The following MCCC2 variants were observed in gnomAD, a reference collection of about 807,000 sequenced individuals.
MCCC2 encodes methylcrotonoyl-CoA carboxylase beta chain, mitochondrial.
A neutral mutation model predicts 77.2 loss-of-function variants in MCCC2; 52 were observed. That is an observed-to-expected ratio of 0.67 (90% CI 0.54 to 0.85). The LOEUF (loss-of-function observed/expected upper bound fraction) is 0.85, where lower values mean the gene tolerates loss of function less well. MCCC2 is among the 40% of genes least tolerant of loss of function. The probability of loss-of-function intolerance (pLI) is 0.00; values close to 1 mark genes in which losing one functional copy is unlikely to be tolerated. For missense variants in MCCC2, 682 were observed against 703.2 expected (o/e 0.97, Z 0.34); for synonymous variants, 253 against 248.4 (o/e 1.02, Z -0.18).
In MCCC2 at chr5:71,657,425, C is replaced by T. The variant is rs565365607; in HGVS notation, c.*565C>T. On this transcript the variant is annotated 3_prime_UTR_variant, in exon 17 of 17. Coordinates refer to ENST00000340941, the MANE Select transcript of MCCC2 (RefSeq NM_022132.5). ...CCCTCCCCCGAGCCCATGACATCTC[C>T]TTATTATTATTTTTTTTTTGAGACA... is the stretch of plus-strand genomic sequence containing the variant. The T allele has an allele frequency of 6.5e-6, 1 of 153,100 alleles. No individual in the cohort carries two copies. The highest frequency in any genetic ancestry group is 6.5e-5 in the Admixed American group (1 of 15,326). 9.5% of individuals were successfully genotyped at this position (153,100 alleles called of 1,614,324 possible).
At chr5:71,617,676 C>T (rs1412221885) in intron 6 of MCCC2, among the ~76,000 whole-genome samples, 3 of 152,144 alleles carry the variant, frequency 2.0e-5, no homozygotes, top group Non-Finnish European at 4.4e-5. Flanking sequence ...CTTCTAACTT[C>T]AATTATGTTA....
intron 10 of MCCC2, 157 bp downstream of exon 10, chr5:71,635,403 T>C (rs1746882181): frequency 4.1e-6 from 3 of 727,960 alleles, no homozygotes; most frequent in South Asian, 3.0e-5. Context: ...TACCTTTCCA[T>C]ACTGTGGATA....
At chr5:71,618,993 T>A (rs879863683) in intron 6 of MCCC2, among the ~76,000 whole-genome samples, 1 of 152,228 alleles carries the variant, frequency 6.6e-6, no homozygotes, top group African/African-American at 2.4e-5. Flanking sequence ...GAAATAGGCA[T>A]CATTCATCTA....
At chr5:71,647,057 G>A (rs756919356) in intron 13 of MCCC2, among the ~76,000 whole-genome samples, 1 of 152,092 alleles carries the variant, frequency 6.6e-6, no homozygotes, top group Non-Finnish European at 1.5e-5. Context: ...GATTTTTAAG[G>A]TCTGTTACGG....
At chr5:71,651,380 A>AT in intron 15 of MCCC2, among the ~76,000 whole-genome samples, 1 of 152,238 alleles carries the variant, frequency 6.6e-6, no homozygotes, top group African/African-American at 2.4e-5. Context: ...TTTTAAAATG[A>AT]ATTCTTTTGT....
intron 7 of MCCC2, among the ~76,000 whole-genome samples, chr5:71,629,617 G>T (rs1045387574): frequency 6.6e-6 from 1 of 152,054 alleles, no homozygotes; most frequent in Admixed American, 6.6e-5. Context: ...TGTAAAATAA[G>T]TATATTTCCC....
chr5:71,624,833 A>G (rs916059482), intron 6 of MCCC2, among the ~76,000 whole-genome samples: 1 of 150,802 alleles, frequency 6.6e-6, no homozygotes, highest in Admixed American at 6.6e-5. Flanking sequence ...AGCTGGGTTT[A>G]CAGGCATGCA....
intron 10 of MCCC2, among the ~76,000 whole-genome samples, chr5:71,639,797 A>G (rs1455448146): frequency 6.6e-6 from 1 of 152,240 alleles, no homozygotes; most frequent in Non-Finnish European, 1.5e-5. Flanking sequence ...TTACAGGTAT[A>G]TAGCACCCAA....
chr5:71,610,240 T>C (rs1265260531), intron 6 of MCCC2, among the ~76,000 whole-genome samples: 8 of 152,346 alleles, frequency 5.3e-5, no homozygotes, highest in Non-Finnish European at 5.9e-5. Context: ...CGTAGGACCC[T>C]CCGAGCCAGG....
At chr5:71,636,209 T>G (rs1055195946) in intron 10 of MCCC2, 2 of 311,700 alleles carry the variant, frequency 6.4e-6, no homozygotes, top group Non-Finnish European at 1.3e-5. Context: ...TTGATGGATA[T>G]AATGTTCTGT....
intron 8 of MCCC2, among the ~76,000 whole-genome samples, chr5:71,633,119 ATATATATATATATT>A (rs1308003827): frequency 0.022 from 628 of 28,704 alleles, 35 homozygotes; most frequent in African/African-American, 0.055. Context: ...ATATATATAT[ATATATATATATATT>A]TTTATTTTTT....
At chr5:71,613,809 T>C (rs1746055639) in intron 6 of MCCC2, among the ~76,000 whole-genome samples, 1 of 151,832 alleles carries the variant, frequency 6.6e-6, no homozygotes, top group Non-Finnish European at 1.5e-5. Flanking sequence ...GTGTTTTCAG[T>C]ATGAAGAAAA....
chr5:71,621,436 G>A (rs750361468), intron 6 of MCCC2, among the ~76,000 whole-genome samples: 1 of 152,178 alleles, frequency 6.6e-6, no homozygotes, highest in Non-Finnish European at 1.5e-5. Context: ...AGAACTAAAT[G>A]ACAAGGATTA....
chr5:71,604,310 C>T lies in MCCC2; in HGVS notation c.512-46C>T, dbSNP rs1453931774. 2.0e-6 allele frequency: 3 copies of T among 1,494,002 alleles called. No individual in the cohort carries two copies. In the African/African-American group the frequency reaches 4.1e-5, roughly 21 times the overall value. The allele number at this position is 1,494,002 out of a possible 1,614,324, so 92.5% of individuals were successfully genotyped here. On this transcript the variant is annotated intron_variant, in intron 5 of 16. Coordinates refer to ENST00000340941, the MANE Select transcript of MCCC2 (RefSeq NM_022132.5). The stretch of plus-strand genomic sequence containing the variant: ...GATACAAGTTTCCCTCTGCGTAGCA[C>T]ATTTAGTTCATAGAGATGCTTATGT...
chr5:71,618,762 ATGGTTTCCATGTC>A (rs1308634889), intron 6 of MCCC2, among the ~76,000 whole-genome samples: 1 of 152,148 alleles, frequency 6.6e-6, no homozygotes, highest in Non-Finnish European at 1.5e-5. Flanking sequence ...GACACCAATT[ATGGTTTCCATGTC>A]TGGCTTTTTA....
In MCCC2 at chr5:71,615,027, CA is replaced by C. The variant is rs1746116987; in HGVS notation, c.624+10560del. Reference sequence around the variant, plus strand: ...TGTCATCCAGGTTGGAGTGCAGTGGCACGATCTCGGCTCACTGCAACCTCCA... The same window carrying C: ...TGTCATCCAGGTTGGAGTGCAGTGGCCGATCTCGGCTCACTGCAACCTCCA... On this transcript the variant is annotated intron_variant, in intron 6 of 16. Transcript: ENST00000340941. Among the ~76,000 whole-genome samples the C allele has an allele frequency of 3.3e-5, 5 of 152,120 alleles. No homozygotes were observed. The South Asian group carries it at 1.0e-3, about 32-fold the overall frequency.
chr5:71,606,483 A>G (rs1324152226), intron 6 of MCCC2, among the ~76,000 whole-genome samples: 20 of 147,256 alleles, frequency 1.4e-4, no homozygotes, highest in Non-Finnish European at 3.0e-5. Flanking sequence ...GGGCTGAGAC[A>G]ATGGGGTTTT....
chr5:71,631,538 C>CTTTTTTTTTT (rs544704315), intron 7 of MCCC2, among the ~76,000 whole-genome samples: 1 of 128,324 alleles, frequency 7.8e-6, no homozygotes, highest in Admixed American at 8.0e-5. Flanking sequence ...GGTCTTTCTT[C>CTTTTTTTTTT]TTTTTTTTTT....
At chr5:71,622,764 T>G (rs993830969) in intron 6 of MCCC2, among the ~76,000 whole-genome samples, 6 of 152,230 alleles carry the variant, frequency 3.9e-5, no homozygotes, top group Admixed American at 1.3e-4. Flanking sequence ...CTTAGCCTCC[T>G]GAGTAGCTGG....
Sources: gnomAD v4.1 joint callset for allele counts (sites outside exome capture counted in the v4.1 genomes callset) on GRCh38, gnomAD v4.1.1 for gene constraint, MANE v1.5 for transcripts, NCBI Gene and HGNC (gene_info 2026-07-23, HGNC 2026-07-21) for gene names.